TGFB1: variants seen among roughly 807,000 people sequenced by gnomAD.
TGFB1 encodes transforming growth factor beta 1.
TGFB1 carries 19 observed loss-of-function variants against 43.8 expected under a neutral mutation model. That is an observed-to-expected ratio of 0.43 (90% confidence interval 0.30 to 0.64). The LOEUF (loss-of-function observed/expected upper bound fraction) is 0.64, where lower values mean the gene tolerates loss of function less well. Among genes scored for constraint, TGFB1 ranks in the 30% least tolerant of loss-of-function variants. TGFB1 has a pLI of 0.11. For missense variants in TGFB1, 445 were observed against 529.8 expected (o/e 0.84, Z 1.57); for synonymous variants, 221 against 236.3 (o/e 0.94, Z 0.60).
chr19:41,343,381 A>G (rs971265278), intron 3 of TGFB1, among the ~76,000 whole-genome samples: 1 of 151,336 alleles, frequency 6.6e-6, no homozygotes, highest in Middle Eastern at 3.2e-3. Flanking sequence ...TGATCCACCC[A>G]CCTCGGCCTC....
rs970552161 is a variant in TGFB1 at position 41,353,285 on chromosome 19, G to T, written c.-241C>A. The T allele has an allele frequency of 1.8e-5, 9 of 514,008 alleles. No homozygotes were observed. The highest frequency in any genetic ancestry group is 2.7e-5 in the Non-Finnish European group (8 of 295,194). The allele number at this position is 514,008 out of a possible 1,614,324, so 31.8% of individuals were successfully genotyped here. A position where few individuals can be genotyped will look rare whatever the true frequency, so the allele number is the denominator to read the frequency against. On this transcript the variant is annotated 5_prime_UTR_variant, in exon 1 of 7. Coordinates refer to ENST00000221930, the MANE Select transcript of TGFB1 (RefSeq NM_000660.7). The surrounding 1 kb of genome is among the most constrained non-coding windows in gnomAD (Gnocchi z 5.9). ...CTGGTACCAGAAGGTGGGTGGTCTT[G>T]AATAGGGGATCTGTGGCAGGTCGGA... is the stretch of plus-strand genomic sequence containing the variant.
chr19:41,351,532 G>A (rs954761158), intron 1 of TGFB1, among the ~76,000 whole-genome samples: 1 of 152,182 alleles, frequency 6.6e-6, no homozygotes. Flanking sequence ...AGGGAAGGGA[G>A]GGGGATGAGG....
chr19:41,334,053 C>T (rs2037963047), intron 5 of TGFB1, among the ~76,000 whole-genome samples: 1 of 152,176 alleles, frequency 6.6e-6, no homozygotes, highest in South Asian at 2.1e-4. Flanking sequence ...TCTCTGCCTG[C>T]CTTCTTCTGG....
Position 41,332,235 on chromosome 19 carries a change from G to C in TGFB1, c.907C>G (p.Arg303Gly). 6.2e-7 allele frequency: 1 copy of C among 1,614,168 alleles called. No homozygotes were observed. Among genetic ancestry groups the C allele is most frequent in the Non-Finnish European group, 8.5e-7 (1 of 1,180,020 alleles). Residue 303 changes from arginine to glycine, a missense_variant, in exon 6 of 7, where the codon CGC (arginine) becomes GGC (glycine). Transcript: ENST00000221930. The part of the protein sequence containing the change: ...CCVRQLYIDF[R>G]KDLGWKWIHE... Reference sequence around the variant, plus strand: ...ATCCACTTCCAGCCGAGGTCCTTGCGGAAGTCAATGTACAGCTGCCGCACG... The same window carrying C: ...ATCCACTTCCAGCCGAGGTCCTTGCCGAAGTCAATGTACAGCTGCCGCACG...
At chr19:41,349,587 T>C (rs2123110598) in intron 1 of TGFB1, among the ~76,000 whole-genome samples, 1 of 152,198 alleles carries the variant, frequency 6.6e-6, no homozygotes, top group Non-Finnish European at 1.5e-5. Context: ...TGAAACCCCG[T>C]TTCTACTAAA....
intron 3 of TGFB1, among the ~76,000 whole-genome samples, chr19:41,343,900 C>T (rs914346086): frequency 7.8e-6 from 1 of 128,438 alleles, no homozygotes; most frequent in Non-Finnish European, 1.7e-5. Flanking sequence ...AGACAATCAT[C>T]TCCTGGACAG....
chr19:41,333,488 C>G (rs2037957843), intron 5 of TGFB1, among the ~76,000 whole-genome samples: 1 of 152,134 alleles, frequency 6.6e-6, no homozygotes, highest in East Asian at 1.9e-4. Context: ...GCTGGTATTA[C>G]AGACCTGAGC....
At chr19:41,336,335 T>C (rs781300998) in intron 5 of TGFB1, among the ~76,000 whole-genome samples, 9 of 151,668 alleles carry the variant, frequency 5.9e-5, no homozygotes, top group Non-Finnish European at 1.0e-4. Context: ...GCTTCAACAA[T>C]GACCAACTCA....
chr19:41,344,427 C>T (rs1227612122), intron 3 of TGFB1, among the ~76,000 whole-genome samples: 1 of 152,176 alleles, frequency 6.6e-6, no homozygotes, highest in East Asian at 1.9e-4. Flanking sequence ...CCAGTCCCAC[C>T]CACTCTGGGT....
intron 5 of TGFB1, among the ~76,000 whole-genome samples, chr19:41,339,896 T>C (rs11466338): frequency 0.076 from 11,570 of 152,062 alleles, 545 homozygotes; most frequent in African/African-American, 0.12. Context: ...TGAAGGAGCC[T>C]GGGAGCAGGG....
chr19:41,331,972 C>T (rs2037936687), intron 6 of TGFB1, 156 bp downstream of exon 6: 3 of 1,050,970 alleles, frequency 2.9e-6, no homozygotes, highest in Non-Finnish European at 4.1e-6. Context: ...TCCTGCCTCT[C>T]TCCCCATCTC....
chr19:41,343,139 CTT>C (rs67233828), intron 3 of TGFB1, among the ~76,000 whole-genome samples: 1 of 143,478 alleles, frequency 7.0e-6, no homozygotes, highest in Admixed American at 6.9e-5. Context: ...TTTTTCTTTT[CTT>C]TTTTTTTTTT....
At chr19:41,340,066 T>C (rs372191308) in intron 5 of TGFB1, among the ~76,000 whole-genome samples, 59 of 152,204 alleles carry the variant, frequency 3.9e-4, no homozygotes, top group African/African-American at 1.1e-3. Flanking sequence ...CTTTCTTAGA[T>C]TGCAGTATTA....
At chr19:41,337,774 C>T (rs555193774) in intron 5 of TGFB1, among the ~76,000 whole-genome samples, 1 of 152,312 alleles carries the variant, frequency 6.6e-6, no homozygotes, top group Admixed American at 6.5e-5. Context: ...TTTCTTCCTC[C>T]TCCTCAGCCT....
In TGFB1 at chr19:41,335,585, G is replaced by A. The variant is rs569363622; in HGVS notation, c.861-3304C>T. The stretch of plus-strand genomic sequence containing the variant: ...AACAACAGTCCGTGTTGAACAAGCC[G>A]TCTAGGTGATCCTCTGACTCATTTT... On this transcript the variant is annotated intron_variant, in intron 5 of 6. Coordinates refer to ENST00000221930, the MANE Select transcript of TGFB1 (RefSeq NM_000660.7). Among the ~76,000 whole-genome samples the A allele has an allele frequency of 8.8e-4, 134 of 152,332 alleles. 1 individual carries two copies. Among genetic ancestry groups the A allele is most frequent in the African/African-American group, 3.1e-3 (128 of 41,576 alleles).
intron 5 of TGFB1, among the ~76,000 whole-genome samples, chr19:41,334,113 G>A (rs563232838): frequency 2.2e-4 from 33 of 152,280 alleles, no homozygotes; most frequent in African/African-American, 7.2e-4. Flanking sequence ...AGTGGCTCAC[G>A]CCTGTAATCC....
At chr19:41,340,025 A>C (rs2038036944) in intron 5 of TGFB1, among the ~76,000 whole-genome samples, 1 of 152,144 alleles carries the variant, frequency 6.6e-6, no homozygotes, top group South Asian at 2.1e-4. Context: ...CTAACTCTCC[A>C]TTTCAACTTT....
At chr19:41,346,170 G>C (rs767101154) in intron 2 of TGFB1, among the ~76,000 whole-genome samples, 2 of 152,048 alleles carry the variant, frequency 1.3e-5, no homozygotes, top group African/African-American at 4.8e-5. Flanking sequence ...GACCAATATG[G>C]AGAAACACCG....
rs993019136 is a variant in TGFB1, at chr19:41,347,361, A to T, written c.516+934T>A. ...TTAATTTTAAACAATTTAAATTTTA[A>T]TCAAGCTAAATGTGACTAGTGGCTG... On this transcript the variant is annotated intron_variant, in intron 2 of 6. Coordinates refer to ENST00000221930, the MANE Select transcript of TGFB1 (RefSeq NM_000660.7). 5.9e-5 allele frequency among the ~76,000 whole-genome samples: 9 copies of T among 152,298 alleles called. No homozygotes were observed. The East Asian group carries it at 1.7e-3, about 29-fold the overall frequency.
Sources: allele counts gnomAD v4.1 joint callset (sites outside exome capture counted in the v4.1 genomes callset), GRCh38; gene constraint gnomAD v4.1.1; non-coding constraint Gnocchi (gnomAD v3.1); transcripts MANE v1.5; gene names NCBI Gene and HGNC (gene_info 2026-07-23, HGNC 2026-07-21).